ALDH1L1: variants seen among roughly 807,000 people sequenced by gnomAD.
ALDH1L1 encodes aldehyde dehydrogenase 1 family member L1.
In ALDH1L1, 68 loss-of-function variants were observed where a neutral mutation model predicts 101.1. The observed-to-expected ratio is 0.67, with a 90% CI of 0.55 to 0.82. The LOEUF is 0.82. ALDH1L1 is among the 40% of genes least tolerant of loss of function. The pLI is 0.00. For missense variants in ALDH1L1, 1,087 were observed against 1,172.7 expected, an observed-to-expected ratio of 0.93 and a Z score of 1.07; for synonymous variants, 486 against 470.8, an observed-to-expected ratio of 1.03 and a Z score of -0.42.
chr3:126,109,665 T>C (rs1946012072), intron 20 of ALDH1L1, among the ~76,000 whole-genome samples: 1 of 152,074 alleles, frequency 6.6e-6, no homozygotes, highest in Non-Finnish European at 1.5e-5. Context: ...ATGAAATCTA[T>C]GGGGGAGAGA....
At chr3:126,119,049 T>C (rs887370135) in intron 16 of ALDH1L1, among the ~76,000 whole-genome samples, 3 of 152,138 alleles carry the variant, frequency 2.0e-5, no homozygotes, top group African/African-American at 7.2e-5. Context: ...CTCTGCACCC[T>C]CCTAATTCGA....
At chr3:126,181,012 G>A (rs777699180), upstream of ALDH1L1, 25 of 1,603,854 alleles carry the variant, frequency 1.6e-5, no homozygotes, top group South Asian at 7.8e-5. Context: ...TGCCCTCCGG[G>A]AATTTGCAGC....
At chr3:126,163,293 C>T (rs1352477889) in intron 1 of ALDH1L1, among the ~76,000 whole-genome samples, 3 of 152,236 alleles carry the variant, frequency 2.0e-5, no homozygotes, top group Non-Finnish European at 4.4e-5. Flanking sequence ...TGTACACTGA[C>T]GTTGTATTAA....
intron 19 of ALDH1L1, among the ~76,000 whole-genome samples, chr3:126,111,407 C>CGCCCGCTG (rs1157344741): frequency 7.2e-5 from 11 of 152,254 alleles, no homozygotes; most frequent in Admixed American, 7.2e-4. Flanking sequence ...CCCACGAAGC[C>CGCCCGCTG]ACCCGCTGCC....
chr3:126,131,480 C>G lies in ALDH1L1; in HGVS notation c.1527G>C (p.Leu509=). 2.5e-6 allele frequency: 4 copies of G among 1,613,420 alleles called. No individual in the cohort carries two copies. The highest frequency in any genetic ancestry group is 3.4e-6 in the Non-Finnish European group (4 of 1,179,376). Residue 509 remains leucine (L), a synonymous_variant, in exon 13 of 23, where the codon CTG becomes CTC. Coordinates refer to ENST00000393434, the MANE Select transcript of ALDH1L1 (RefSeq NM_012190.4). ...CCAGCGTGTAGACGGCACCCGCATC[C>G]AGGGCCTCAATGGTGGCCAGCTCCT... is the stretch of plus-strand genomic sequence containing the variant. ...HQEELATIEA[L]DAGAVYTLAL...
intron 1 of ALDH1L1, among the ~76,000 whole-genome samples, chr3:126,178,822 C>T (rs925640441): frequency 1.3e-5 from 2 of 151,826 alleles, no homozygotes; most frequent in African/African-American, 4.8e-5. Flanking sequence ...AGAATTTACA[C>T]TGAAATGTTG....
chr3:126,162,395 T>C (rs924026471), intron 1 of ALDH1L1, among the ~76,000 whole-genome samples: 4 of 152,226 alleles, frequency 2.6e-5, no homozygotes, highest in Non-Finnish European at 4.4e-5. Context: ...CTCATTGGGG[T>C]TTAATTTGCA....
rs765376974 is a variant in ALDH1L1 at position 126,154,632 on chromosome 3, GT to G, written c.641del (p.Asp214AlafsTer29). ...QKKETAKINWDQPAEAIHNWI... is the reference protein window; with the variant it reads ...QKKETAKINWXQPAEAIHNWI... ...AGTTGTGAATGGCCTCTGCCGGCTG[GT>G]CCCAGTTGATCTGTGGGGAGCAAGG... is the stretch of plus-strand genomic sequence containing the variant. On this transcript the variant is annotated frameshift_variant, in exon 6 of 23. Coordinates refer to ENST00000393434, the MANE Select transcript of ALDH1L1 (RefSeq NM_012190.4). LOFTEE classifies it high-confidence loss of function. 1 of 1,614,088 alleles carries G rather than the reference GT, an allele frequency of 6.2e-7. No individual in the cohort carries two copies. Among genetic ancestry groups the G allele is most frequent in the African/African-American group, 1.3e-5 (1 of 75,052 alleles).
intron 3 of ALDH1L1, 33 bp from the exon 4 acceptor site, chr3:126,157,541 C>G: frequency 6.2e-7 from 1 of 1,603,178 alleles, no homozygotes; most frequent in Non-Finnish European, 8.5e-7. Flanking sequence ...CTGGAGTCCA[C>G]GATGAAGGGC....
At chr3:126,159,354 T>A (rs2108299403) in intron 2 of ALDH1L1, 1 of 445,684 alleles carries the variant, frequency 2.2e-6, no homozygotes, top group East Asian at 7.0e-5. Context: ...TTTTTATAGT[T>A]AAAGCGTCCT....
At chr3:126,124,775 G>A (rs2080148807) in intron 15 of ALDH1L1, among the ~76,000 whole-genome samples, 1 of 152,252 alleles carries the variant, frequency 6.6e-6, no homozygotes, top group Non-Finnish European at 1.5e-5. Context: ...TCTCCTCAGA[G>A]GGTTGTGTGT....
chr3:126,164,083 A>C (rs1030711956), intron 1 of ALDH1L1, among the ~76,000 whole-genome samples: 3 of 151,388 alleles, frequency 2.0e-5, no homozygotes, highest in Non-Finnish European at 4.4e-5. Flanking sequence ...GTGAGCTGAG[A>C]CCCTACCACT....
chr3:126,118,466 G>T (rs142061152), intron 16 of ALDH1L1, among the ~76,000 whole-genome samples: 2 of 152,244 alleles, frequency 1.3e-5, no homozygotes, highest in Non-Finnish European at 2.9e-5. Flanking sequence ...GGACATAGAG[G>T]GTGGAGAGCC....
intron 9 of ALDH1L1, among the ~76,000 whole-genome samples, chr3:126,143,099 G>A (rs1028326750): frequency 2.0e-5 from 3 of 152,098 alleles, no homozygotes; most frequent in Admixed American, 6.5e-5. Flanking sequence ...CTAACACAAA[G>A]CCTATTTTAT....
chr3:126,154,406 G>T (rs2080865234), intron 6 of ALDH1L1, 148 bp downstream of exon 6: 1 of 768,484 alleles, frequency 1.3e-6, no homozygotes, highest in Admixed American at 2.2e-5. Context: ...CTGGGGAAAG[G>T]CTGGGATGTT....
chr3:126,135,635 C>T lies in ALDH1L1; in HGVS notation c.1372G>A (p.Val458Ile). The T allele has an allele frequency of 6.3e-7, 1 of 1,578,664 alleles. No individual in the cohort carries two copies. The highest frequency in any genetic ancestry group is 8.6e-7 in the Non-Finnish European group (1 of 1,162,052). Residue 458 changes from valine (V) to isoleucine (I), a missense_variant, in exon 12 of 23, where the codon GTC becomes ATC. Transcript: ENST00000393434. ...SVICQVSLAQ[V>I]TDVDKAVAAA... ...GCCACTGCCTTGTCGACGTCGGTGACTTGGGCCAGGGATACCTGGCAGATG... is the reference window on the plus strand; with the variant it reads ...GCCACTGCCTTGTCGACGTCGGTGATTTGGGCCAGGGATACCTGGCAGATG...
At chr3:126,112,680 G>A in intron 19 of ALDH1L1, 102 bp downstream of exon 19, 2 of 1,134,164 alleles carry the variant, frequency 1.8e-6, no homozygotes, top group Non-Finnish European at 1.3e-6. Context: ...GAGGAGCCCA[G>A]CCTCACTTGA....
chr3:126,154,709 C>G, intron 5 of ALDH1L1, 66 bp from the exon 6 acceptor site: 4 of 1,476,854 alleles, frequency 2.7e-6, no homozygotes, highest in Non-Finnish European at 3.8e-6. Context: ...CTGATGACAT[C>G]TGGACAGTGG....
intron 9 of ALDH1L1, among the ~76,000 whole-genome samples, chr3:126,141,887 A>G (rs1332676013): frequency 1.3e-5 from 2 of 152,162 alleles, no homozygotes; most frequent in Non-Finnish European, 1.5e-5. Flanking sequence ...CCAGAAAAAA[A>G]AACAGCAAAT....
Sources: allele counts gnomAD v4.1 joint callset (sites outside exome capture counted in the v4.1 genomes callset), GRCh38; gene constraint gnomAD v4.1.1; transcripts MANE v1.5; gene names NCBI Gene and HGNC (gene_info 2026-07-23, HGNC 2026-07-21).